Variants in LRIT3 observed in about 807,000 individuals in gnomAD.
LRIT3 encodes the protein leucine-rich repeat, immunoglobulin-like domain and transmembrane domain-containing protein 3.
LRIT3 carries 14 observed loss-of-function variants against 22.6 expected under a neutral mutation model. The ratio of observed to expected loss-of-function variants is 0.62; its 90% CI spans 0.41 to 0.97. The LOEUF is 0.97. LRIT3 is among the 50% of genes least tolerant of loss of function. The pLI, the probability that LRIT3 is intolerant of heterozygous loss-of-function variation, is 0.00. For missense variants in LRIT3, 783 were observed against 803.0 expected, an observed-to-expected ratio of 0.98 and a Z score of 0.30; for synonymous variants, 306 against 304.5, an observed-to-expected ratio of 1.01 and a Z score of -0.05.
intron 3 of LRIT3, among the ~76,000 whole-genome samples, chr4:109,868,866 T>G (rs1734750962): frequency 6.6e-6 from 1 of 152,104 alleles, no homozygotes. Context: ...TATATATAGG[T>G]AGTCAATGGT....
intron 2 of LRIT3, chr4:109,865,315 T>G: frequency 6.2e-7 from 1 of 1,603,550 alleles, no homozygotes. Context: ...AATTTCTCTT[T>G]CATATATTTA....
At chr4:109,865,205 G>T in intron 2 of LRIT3, 8 of 1,494,272 alleles carry the variant, frequency 5.4e-6, no homozygotes, top group Non-Finnish European at 6.4e-6. Context: ...GGCTCAGCAA[G>T]GTTGCATCAC....
chr4:109,859,043 T>G (rs2125899081), intron 2 of LRIT3, among the ~76,000 whole-genome samples: 1 of 152,292 alleles, frequency 6.6e-6, no homozygotes, highest in African/African-American at 2.4e-5. Flanking sequence ...GCACATAAGC[T>G]AATTTTCCAA....
At position 109,851,699 on chromosome 4, in the gene LRIT3, G is replaced by A. The variant is rs144333647; in HGVS notation, c.312G>A (p.Leu104=). Residue 104 remains leucine, a synonymous_variant, in exon 2 of 4, where the codon CTG becomes CTA. Coordinates refer to ENST00000594814, the MANE Select transcript of LRIT3 (RefSeq NM_198506.5). ...ASIDPSSFYN[L]KQLHELRLDG... ...TTGACCCCAGCAGCTTTTACAACCT[G>A]AAGCAACTGCATGAGTTGCGCTTGG... 3.9e-5 allele frequency: 60 copies of A among 1,551,694 alleles called. No individual in the cohort carries two copies. In the African/African-American group the frequency reaches 6.4e-4, roughly 17 times the overall value.
intron 2 of LRIT3, among the ~76,000 whole-genome samples, chr4:109,861,115 T>A (rs901405929): frequency 7.2e-5 from 11 of 152,184 alleles, no homozygotes; most frequent in African/African-American, 2.7e-4. Context: ...ACTCCTGTAA[T>A]CCCAACACTT....
chr4:109,852,123 G>A (rs1734289023), intron 2 of LRIT3, 147 bp downstream of exon 2: 1 of 730,144 alleles, frequency 1.4e-6, no homozygotes, highest in South Asian at 2.0e-5. Context: ...GTTAACCTAG[G>A]TCAAGTTACC....
At chr4:109,850,425 T>TTC (rs1734208802) in intron 1 of LRIT3, among the ~76,000 whole-genome samples, 1 of 21,360 alleles carries the variant, frequency 4.7e-5, no homozygotes, top group Non-Finnish European at 8.7e-5. Context: ...CTTCCTTCCT[T>TTC]TCTTTCTTTC....
At chr4:109,851,380 G>C in intron 1 of LRIT3, 124 bp from the exon 2 acceptor site, 2 of 1,336,274 alleles carry the variant, frequency 1.5e-6, no homozygotes, top group South Asian at 3.2e-5. Context: ...CTCCCAAAGT[G>C]CTGGGATTAC....
chr4:109,850,367 C>T (rs1177828247), intron 1 of LRIT3, among the ~76,000 whole-genome samples: 2 of 1,150 alleles, frequency 1.7e-3, no homozygotes, highest in Admixed American at 0.032. Flanking sequence ...TCCTTCCTTC[C>T]TTCCTTCCTT....
At chr4:109,865,329 C>T in intron 2 of LRIT3, 2 of 1,589,754 alleles carry the variant, frequency 1.3e-6, no homozygotes, top group Non-Finnish European at 1.7e-6. Flanking sequence ...ATATTTAAAT[C>T]TGGCCTTCAC....
At chr4:109,848,634 C>T (rs1734134409) in intron 1 of LRIT3, among the ~76,000 whole-genome samples, 1 of 152,124 alleles carries the variant, frequency 6.6e-6, no homozygotes, top group South Asian at 2.1e-4. Context: ...GCATGGCCAG[C>T]TAAGCCCTTG....
chr4:109,857,616 G>A (rs2125898775), intron 2 of LRIT3, among the ~76,000 whole-genome samples: 1 of 152,238 alleles, frequency 6.6e-6, no homozygotes, highest in East Asian at 1.9e-4. Context: ...AAGGAAAAAA[G>A]GAGTTAAATC....
In LRIT3 at chr4:109,870,435, GAAAGACC is replaced by G. The variant is rs1312474958; in HGVS notation, c.1689_1695del (p.Lys563AsnfsTer23). The stretch of plus-strand genomic sequence containing the variant: ...TCTGTCCAAAAGGAGTGCCTCCCCA[GAAAGACC>G]AATGCATCACCTTTTCTACTGAAAG... On this transcript the variant is annotated frameshift_variant, in exon 4 of 4. Coordinates refer to ENST00000594814, the MANE Select transcript of LRIT3 (RefSeq NM_198506.5). LOFTEE classifies it low-confidence loss of function (END_TRUNC). The G allele has an allele frequency of 6.2e-7, 1 of 1,614,194 alleles. No individual in the cohort carries two copies. Among genetic ancestry groups the G allele is most frequent in the African/African-American group, 1.3e-5 (1 of 75,064 alleles).
chr4:109,848,924 T>C (rs569959983), intron 1 of LRIT3, among the ~76,000 whole-genome samples: 1 of 152,378 alleles, frequency 6.6e-6, no homozygotes, highest in Non-Finnish European at 1.5e-5. Flanking sequence ...TAGCATCTAC[T>C]TGTGTAGTGA....
intron 2 of LRIT3, among the ~76,000 whole-genome samples, chr4:109,857,233 G>GTA (rs1012345463): frequency 2.7e-5 from 4 of 147,650 alleles, no homozygotes; most frequent in African/African-American, 5.0e-5. Flanking sequence ...CATATAGATA[G>GTA]TATATATATT....
At chr4:109,857,376 G>A (rs1734428908) in intron 2 of LRIT3, among the ~76,000 whole-genome samples, 1 of 152,124 alleles carries the variant, frequency 6.6e-6, no homozygotes, top group African/African-American at 2.4e-5. Flanking sequence ...TTGACCTTTT[G>A]ATGATTGCCA....
chr4:109,862,845 C>G (rs373987754), intron 2 of LRIT3, among the ~76,000 whole-genome samples: 18 of 152,286 alleles, frequency 1.2e-4, no homozygotes, highest in East Asian at 9.7e-4. Flanking sequence ...GCCACCATAC[C>G]TGGCTAATTT....
Position 109,851,966 on chromosome 4 carries a change from G to A in LRIT3, c.579G>A (p.Arg193=), listed in dbSNP as rs762235935. 2.6e-6 allele frequency: 4 copies of A among 1,542,118 alleles called. No individual in the cohort carries two copies. The highest frequency in any genetic ancestry group is 3.5e-6 in the Non-Finnish European group (4 of 1,142,992). The change falls in exon 2 of 4, where the codon AGG becomes AGA. Residue 193 remains arginine (R), a synonymous_variant. Transcript: ENST00000594814. ...GAGTCCTGGACCTTTCCCCAAGCAG[G>A]ATTATTCTTGGTAAGCTCGCAAGCC... ...PSGVLDLSPS[R]IILGLQDNPW... is the part of the protein sequence containing the mutation.
chr4:109,861,001 C>T (rs562027290), intron 2 of LRIT3, among the ~76,000 whole-genome samples: 4 of 152,292 alleles, frequency 2.6e-5, no homozygotes, highest in African/African-American at 7.2e-5. Context: ...CATTCTTGTA[C>T]AAAGCTTTTT....
Sources: gnomAD v4.1 joint callset for allele counts (sites outside exome capture counted in the v4.1 genomes callset) on GRCh38, gnomAD v4.1.1 for gene constraint, MANE v1.5 for transcripts, NCBI Gene and HGNC (gene_info 2026-07-23, HGNC 2026-07-21) for gene names.